The following PHF3 variants were observed in gnomAD, a reference collection of about 807,000 sequenced individuals.
The protein encoded by PHF3 is PHD finger protein 3.
A neutral mutation model predicts 178.4 loss-of-function variants in PHF3; 41 were observed. The observed-to-expected ratio is 0.23, with a 90% confidence interval of 0.18 to 0.30. The LOEUF is 0.30. Among genes scored for constraint, PHF3 ranks in the 10% least tolerant of loss-of-function variants. The pLI, the probability that PHF3 is intolerant of heterozygous loss-of-function variation, is 1.00. For missense variants in PHF3, 2,346 were observed against 2,398.1 expected, an observed-to-expected ratio of 0.98 and a Z score of 0.45; for synonymous variants, 842 against 800.5, an observed-to-expected ratio of 1.05 and a Z score of -0.88.
At chr6:63,676,159 C>T (rs10485358) in intron 2 of PHF3, among the ~76,000 whole-genome samples, 83,981 of 151,996 alleles carry the variant, frequency 0.55, 24,914 homozygotes, top group African/African-American at 0.78. Flanking sequence ...CTCATCAAGG[C>T]TTAAGTTCTC....
intron 2 of PHF3, among the ~76,000 whole-genome samples, chr6:63,662,913 G>A (rs911120445): frequency 1.1e-4 from 17 of 152,192 alleles, no homozygotes; most frequent in Non-Finnish European, 1.9e-4. Flanking sequence ...TAGGATGAGA[G>A]CATTTTACTG....
At position 63,718,987 on chromosome 6, in the gene PHF3, T is replaced by C. The variant is rs1484395215; in HGVS notation, c.*5279T>C. Among the ~76,000 whole-genome samples, 1 of 152,066 alleles carries C rather than the reference T, an allele frequency of 6.6e-6. No homozygotes were observed. Among genetic ancestry groups the C allele is most frequent in the Non-Finnish European group, 1.5e-5 (1 of 67,944 alleles). The stretch of plus-strand genomic sequence containing the variant: ...CAATACCAGTTTAGGTCACAGTTTT[T>C]CAGCAAAATTTGATGGAGTTGTTTT... On this transcript the variant is annotated 3_prime_UTR_variant, in exon 16 of 16. Coordinates refer to ENST00000262043, the MANE Select transcript of PHF3 (RefSeq NM_001370348.2).
intron 2 of PHF3, among the ~76,000 whole-genome samples, chr6:63,651,297 G>A (rs140009775): frequency 0.012 from 1,785 of 152,172 alleles, 29 homozygotes; most frequent in African/African-American, 0.041. Flanking sequence ...ATTGTTAATT[G>A]TAGTTACCCT....
At chr6:63,672,723 A>T (rs6911092) in intron 2 of PHF3, among the ~76,000 whole-genome samples, 11,339 of 152,242 alleles carry the variant, frequency 0.074, 516 homozygotes, top group East Asian at 0.16. Flanking sequence ...GATGAGCCGT[A>T]ACCTAGCTTA....
intron 10 of PHF3, among the ~76,000 whole-genome samples, chr6:63,703,292 T>C (rs1437090230): frequency 6.6e-6 from 1 of 152,222 alleles, no homozygotes; most frequent in African/African-American, 2.4e-5. Flanking sequence ...AGAAATAATT[T>C]GAAATCTTAC....
chr6:63,685,764 TTTC>T lies in PHF3; in HGVS notation c.2045_2047del (p.Ser682del). 2 of 1,614,106 alleles carry T rather than the reference TTTC, an allele frequency of 1.2e-6. No homozygotes were observed. The highest frequency in any genetic ancestry group is 2.7e-5 in the African/African-American group (2 of 75,024). On this transcript the variant is annotated inframe_deletion, in exon 4 of 16. Coordinates refer to ENST00000262043, the MANE Select transcript of PHF3 (RefSeq NM_001370348.2). The stretch of plus-strand genomic sequence containing the variant: ...CGCCAAAGAAGAAGCAGCAAAAGTT[TTTC>T]TTTAGATGAGCCACCATTGTTCATT...
intron 2 of PHF3, among the ~76,000 whole-genome samples, chr6:63,672,612 T>C (rs1765967184): frequency 6.6e-6 from 1 of 152,336 alleles, no homozygotes; most frequent in East Asian, 1.9e-4. Context: ...ACTGCTCTGT[T>C]TTCCACAGGT....
intron 1 of PHF3, among the ~76,000 whole-genome samples, chr6:63,640,668 A>G (rs955154106): frequency 6.6e-6 from 1 of 152,216 alleles, no homozygotes; most frequent in African/African-American, 2.4e-5. Context: ...AAACAAAACC[A>G]AACAACTTTT....
At chr6:63,705,649 G>T (rs1263454479) in intron 11 of PHF3, among the ~76,000 whole-genome samples, 1 of 152,196 alleles carries the variant, frequency 6.6e-6, no homozygotes, top group Non-Finnish European at 1.5e-5. Context: ...TGATAAAAAG[G>T]TTGGGGACTG....
In PHF3 at chr6:63,706,911, T is replaced by C. The variant is rs370231755; in HGVS notation, c.3711+35T>C. 8.2e-5 allele frequency: 131 copies of C among 1,591,102 alleles called. 1 individual carries two copies. Among genetic ancestry groups the C allele is most frequent in the Non-Finnish European group, 1.0e-4 (121 of 1,162,884 alleles). ...ACTTTTCTGCTTTTCTGTGCATGAA[T>C]TGATAATGTGTGTTTCTGAAAGTAA... On this transcript the variant is annotated intron_variant, in intron 13 of 15. Coordinates refer to ENST00000262043, the MANE Select transcript of PHF3 (RefSeq NM_001370348.2).
Position 63,698,627 on chromosome 6 carries a change from G to A in PHF3, c.2982+22G>A, listed in dbSNP as rs757910074. On this transcript the variant is annotated intron_variant, in intron 8 of 15. Coordinates refer to ENST00000262043, the MANE Select transcript of PHF3 (RefSeq NM_001370348.2). ...CAATGTAAGTATGCTTTGTTCATATGTTTATGCTTCCAACTTTCCTGAGTA... is the reference window on the plus strand; with the variant it reads ...CAATGTAAGTATGCTTTGTTCATATATTTATGCTTCCAACTTTCCTGAGTA... 3 of 1,506,506 alleles carry A rather than the reference G, an allele frequency of 2.0e-6. No individual in the cohort carries two copies. The African/African-American group carries it at 4.2e-5, about 21-fold the overall frequency. 93.3% of individuals were successfully genotyped at this position (1,506,506 alleles called of 1,614,324 possible). A position where few individuals can be genotyped will look rare whatever the true frequency, so the allele number is the denominator to read the frequency against.
At chr6:63,666,908 T>A (rs1225344770) in intron 2 of PHF3, among the ~76,000 whole-genome samples, 2 of 151,982 alleles carry the variant, frequency 1.3e-5, no homozygotes, top group African/African-American at 4.8e-5. Flanking sequence ...CGTGCCACCA[T>A]GCCCAGCTAG....
At chr6:63,664,923 A>G (rs1314675801) in intron 2 of PHF3, among the ~76,000 whole-genome samples, 2 of 152,022 alleles carry the variant, frequency 1.3e-5, no homozygotes, top group African/African-American at 4.8e-5. Flanking sequence ...AAATACAGAA[A>G]AGCTTTTATT....
intron 5 of PHF3, among the ~76,000 whole-genome samples, chr6:63,693,676 G>A (rs1767105776): frequency 6.6e-6 from 1 of 152,196 alleles, no homozygotes; most frequent in South Asian, 2.1e-4. Context: ...TCTTTATCCA[G>A]TCTGTATCAG....
At chr6:63,683,124 A>G (rs1766511406) in intron 3 of PHF3, among the ~76,000 whole-genome samples, 2 of 152,030 alleles carry the variant, frequency 1.3e-5, no homozygotes, top group Non-Finnish European at 2.9e-5. Context: ...TGGGAATTAG[A>G]AAGGGTCTCT....
At chr6:63,678,377 C>G (rs937246780) in intron 2 of PHF3, among the ~76,000 whole-genome samples, 23 of 152,166 alleles carry the variant, frequency 1.5e-4, no homozygotes, top group Admixed American at 1.2e-3. Flanking sequence ...TTAAATTAAT[C>G]CTGATTAATT....
At chr6:63,686,206 A>G (rs1315457681) in intron 4 of PHF3, 1 of 320,258 alleles carries the variant, frequency 3.1e-6, no homozygotes, top group African/African-American at 2.1e-5. Flanking sequence ...CATCTGCAAA[A>G]AAGCCAAACA....
Position 63,721,430 on chromosome 6 carries a change from A to G in PHF3, c.*7722A>G, listed in dbSNP as rs1330916683. 1.3e-6 allele frequency: 2 copies of G among 1,551,668 alleles called. No individual in the cohort carries two copies. The highest frequency in any genetic ancestry group is 1.4e-5 in the African/African-American group (1 of 73,178). ...CATCACAGTCACCTACATTTGAGCC[A>G]CCTTTTGCTCCAAATTCAGTTAATT... On this transcript the variant is annotated 3_prime_UTR_variant, in exon 16 of 16. Coordinates refer to ENST00000262043, the MANE Select transcript of PHF3 (RefSeq NM_001370348.2).
chr6:63,692,489 A>G (rs1465577552), intron 5 of PHF3, among the ~76,000 whole-genome samples: 2 of 152,244 alleles, frequency 1.3e-5, no homozygotes, highest in African/African-American at 4.8e-5. Context: ...CTTTAATAGG[A>G]GAAATGTATA....
Sources: allele counts gnomAD v4.1 joint callset (sites outside exome capture counted in the v4.1 genomes callset), GRCh38; gene constraint gnomAD v4.1.1; transcripts MANE v1.5; gene names NCBI Gene and HGNC (gene_info 2026-07-23, HGNC 2026-07-21).